The following AGMO variants were observed in gnomAD, a reference collection of about 807,000 sequenced individuals.
The protein encoded by AGMO is alkylglycerol monooxygenase.
A neutral mutation model predicts 60.2 loss-of-function variants in AGMO; 75 were observed. That is an observed-to-expected ratio of 1.25 (90% CI 1.03 to 1.51). AGMO has a LOEUF of 1.51. Among genes scored for constraint, AGMO ranks in the 40% most tolerant of loss-of-function variants. AGMO has a pLI of 0.00. For synonymous variants in AGMO, 261 were observed against 177.1 expected, an observed-to-expected ratio of 1.47 and a Z score of -3.76; for missense variants, 763 against 525.5, an observed-to-expected ratio of 1.45 and a Z score of -4.42.
At chr7:15,508,542 G>A (rs978836756) in intron 3 of AGMO, among the ~76,000 whole-genome samples, 5 of 151,974 alleles carry the variant, frequency 3.3e-5, no homozygotes, top group African/African-American at 2.4e-5. Flanking sequence ...CATATGCAGG[G>A]AACTAAAAAG....
chr7:15,345,845 T>C (rs547739613), intron 12 of AGMO, among the ~76,000 whole-genome samples: 111 of 152,250 alleles, frequency 7.3e-4, no homozygotes, highest in African/African-American at 2.6e-3. Flanking sequence ...CTATTCCTCA[T>C]TACTACAATA....
At chr7:15,135,979 C>CTTTTTTTTTTTTTTTTTTTTTTTTTTT in the AGMO span, among the ~76,000 whole-genome samples, 49 of 106,852 alleles carry the variant, frequency 4.6e-4, no homozygotes, top group Non-Finnish European at 6.9e-4. Flanking sequence ...TTTTTCTTTT[C>CTTTTTTTTTTTTTTTTTTTTTTTTTTT]TTTTTTTTTT....
intron 12 of AGMO, among the ~76,000 whole-genome samples, chr7:15,299,840 C>T (rs867427704): frequency 9.4e-6 from 1 of 106,422 alleles, no homozygotes; most frequent in East Asian, 2.3e-4. Context: ...TACACACACA[C>T]ACACACACAC....
At chr7:15,241,459 CAAAAAAAAAAAAAAA>C (rs61727790) in intron 12 of AGMO, among the ~76,000 whole-genome samples, 15,924 of 51,548 alleles carry the variant, frequency 0.31, 1,195 homozygotes, top group Middle Eastern at 0.44. Context: ...GACTCCGTCT[CAAAAAAAAAAAAAAA>C]AAAAAAAAAA....
chr7:15,216,833 A>AGTGTGTGTGTGTGTGTGT (rs1181410197), intron 12 of AGMO, among the ~76,000 whole-genome samples: 82 of 147,112 alleles, frequency 5.6e-4, no homozygotes, highest in African/African-American at 2.0e-3. Context: ...TGAAAGAAAA[A>AGTGTGTGTGTGTGTGTGT]GTGTGTGTGT....
downstream of AGMO, among the ~76,000 whole-genome samples, chr7:15,197,608 G>C (rs1781152643): frequency 6.6e-6 from 1 of 152,186 alleles, no homozygotes; most frequent in Middle Eastern, 3.2e-3. Flanking sequence ...AGCAAGTCTG[G>C]AGGAAACTGA....
chr7:15,396,636 A>C (rs926096371), intron 5 of AGMO: 5 of 144,478 alleles, frequency 3.5e-5, no homozygotes, highest in African/African-American at 1.0e-4. Context: ...TCCCCCACAC[A>C]TCCTGCTGAT....
At chr7:15,390,792 A>G in intron 7 of AGMO, 42 bp from the exon 8 acceptor site, 1 of 1,454,882 alleles carries the variant, frequency 6.9e-7, no homozygotes, top group Middle Eastern at 1.8e-4. Flanking sequence ...GCTTCCTGTA[A>G]AGTAAAGGAG....
At chr7:15,477,170 G>A (rs1213454424) in intron 3 of AGMO, among the ~76,000 whole-genome samples, 1 of 151,908 alleles carries the variant, frequency 6.6e-6, no homozygotes, top group South Asian at 2.1e-4. Context: ...ATTGCTCTAC[G>A]TGTTAAGCAA....
intron 10 of AGMO, among the ~76,000 whole-genome samples, chr7:15,370,588 T>C (rs868538460): frequency 1.3e-5 from 2 of 152,204 alleles, no homozygotes; most frequent in African/African-American, 4.8e-5. Flanking sequence ...CCATTCTTAC[T>C]GGTGTGAAAC....
rs1782292448 is a variant in AGMO at position 15,232,688 on chromosome 7, AG to A, written c.1264-31330del. Among the ~76,000 whole-genome samples the A allele has an allele frequency of 5.9e-5, 9 of 152,210 alleles. No individual in the cohort carries two copies. In the South Asian group the frequency reaches 1.7e-3, roughly 28 times the overall value. The stretch of plus-strand genomic sequence containing the variant: ...TGCCAATGAGTAGAATACGAATCAA[AG>A]GAAGTTTTACCCAACAAAATTGCCT... On this transcript the variant is annotated intron_variant, in intron 12 of 12. Transcript: ENST00000342526.
In AGMO at chr7:15,447,894, T is replaced by C. The variant is rs1781744989; in HGVS notation, c.410-16786A>G. Among the ~76,000 whole-genome samples, 4 of 152,304 alleles carry C rather than the reference T, an allele frequency of 2.6e-5. No individual in the cohort carries two copies. In the South Asian group the frequency reaches 8.3e-4, roughly 32 times the overall value. ...TATGAGTGAGTTAAGGTATTATCTT[T>C]CATAAAGAACCATGTACCTATATTC... On this transcript the variant is annotated intron_variant, in intron 3 of 12. Transcript: ENST00000342526.
chr7:15,179,806 C>A, the AGMO span, among the ~76,000 whole-genome samples: 1 of 152,188 alleles, frequency 6.6e-6, no homozygotes, highest in East Asian at 1.9e-4. Context: ...CAGAGCCTTT[C>A]CATTCTGTAA....
intron 5 of AGMO, among the ~76,000 whole-genome samples, chr7:15,397,488 C>G (rs939152389): frequency 2.0e-5 from 3 of 152,156 alleles, no homozygotes; most frequent in Non-Finnish European, 2.9e-5. Context: ...TCCTCGAGCG[C>G]GGCCAGAGCT....
intron 12 of AGMO, among the ~76,000 whole-genome samples, chr7:15,317,590 C>G (rs10254598): frequency 0.1 from 15,753 of 151,822 alleles, 1,104 homozygotes; most frequent in African/African-American, 0.2. Flanking sequence ...CTTTTAAATC[C>G]CCTTATGATC....
intron 12 of AGMO, among the ~76,000 whole-genome samples, chr7:15,322,455 TAA>T (rs1351113318): frequency 1.2e-5 from 1 of 80,068 alleles, no homozygotes; most frequent in East Asian, 4.0e-4. Flanking sequence ...AATATATATA[TAA>T]ATATATATAA....
At chr7:15,388,774 A>G (rs4286841) in intron 8 of AGMO, among the ~76,000 whole-genome samples, 122,854 of 152,088 alleles carry the variant, frequency 0.81, 50,230 homozygotes, top group African/African-American at 0.95. Flanking sequence ...AAGGAATGGA[A>G]GTGAAAATAA....
chr7:15,236,379 A>G (rs1782419890), intron 12 of AGMO, among the ~76,000 whole-genome samples: 1 of 152,142 alleles, frequency 6.6e-6, no homozygotes, highest in Non-Finnish European at 1.5e-5. Context: ...ATGAATTTGA[A>G]GGAGGACATA....
chr7:15,380,670 GA>G (rs1783643379), intron 10 of AGMO, among the ~76,000 whole-genome samples: 1 of 152,174 alleles, frequency 6.6e-6, no homozygotes, highest in Non-Finnish European at 1.5e-5. Context: ...CACAGAATTA[GA>G]AAAAACTACT....
Sources: allele counts gnomAD v4.1 joint callset (sites outside exome capture counted in the v4.1 genomes callset), GRCh38; gene constraint gnomAD v4.1.1; transcripts MANE v1.5; gene names NCBI Gene and HGNC (gene_info 2026-07-23, HGNC 2026-07-21).